AFG1L: variants seen among roughly 807,000 people sequenced by gnomAD.
AFG1L encodes the protein AFG1-like ATPase.
In AFG1L, 53 loss-of-function variants were observed where a neutral mutation model predicts 62.2. The ratio of observed to expected loss-of-function variants is 0.85; its 90% confidence interval spans 0.68 to 1.07. The LOEUF is 1.07. Ranked by LOEUF, AFG1L falls within the 50% of genes least tolerant of loss-of-function variation. The probability of loss-of-function intolerance (pLI) is 0.00; values close to 1 mark genes in which losing one functional copy is unlikely to be tolerated. For missense variants in AFG1L, 555 were observed against 590.5 expected (o/e 0.94, Z 0.62); for synonymous variants, 228 against 210.3 (o/e 1.08, Z -0.73).
At chr6:108,422,165 G>A (rs1197381527) in intron 7 of AFG1L, among the ~76,000 whole-genome samples, 2 of 151,890 alleles carry the variant, frequency 1.3e-5, no homozygotes, top group African/African-American at 4.8e-5. Context: ...AATATTAGTA[G>A]CTTTACTGCA....
intron 6 of AFG1L, among the ~76,000 whole-genome samples, chr6:108,389,012 A>G (rs1780915411): frequency 1.3e-5 from 2 of 151,490 alleles, no homozygotes; most frequent in South Asian, 2.1e-4. Context: ...GTGGGAGTCT[A>G]AGTCTCTTTG....
At chr6:108,490,664 A>C (rs1417029481) in intron 10 of AFG1L, among the ~76,000 whole-genome samples, 1 of 152,210 alleles carries the variant, frequency 6.6e-6, no homozygotes, top group Non-Finnish European at 1.5e-5. Flanking sequence ...TTACATAGTC[A>C]CATCATCCGA....
At chr6:108,344,198 C>A (rs1048675516) in intron 2 of AFG1L, among the ~76,000 whole-genome samples, 1 of 151,036 alleles carries the variant, frequency 6.6e-6, no homozygotes, top group South Asian at 2.1e-4. Flanking sequence ...CTGCAACCTC[C>A]GCCTCCTGGT....
At chr6:108,343,146 C>T (rs1056160753) in intron 2 of AFG1L, among the ~76,000 whole-genome samples, 2 of 151,506 alleles carry the variant, frequency 1.3e-5, no homozygotes, top group African/African-American at 4.9e-5. Context: ...CTTACTGCAA[C>T]CTCTGCCTCC....
intron 6 of AFG1L, among the ~76,000 whole-genome samples, chr6:108,399,989 G>A (rs1382520111): frequency 6.6e-6 from 1 of 151,732 alleles, no homozygotes; most frequent in Non-Finnish European, 1.5e-5. Context: ...ATGTTGCTCA[G>A]GCTGGTCCTG....
intron 11 of AFG1L, 143 bp downstream of exon 11, chr6:108,510,495 T>C: frequency 1.5e-6 from 1 of 648,286 alleles, no homozygotes; most frequent in Non-Finnish European, 2.6e-6. Context: ...GAATTGGGGA[T>C]GATAATATTA....
chr6:108,468,389 C>G (rs540343671), intron 8 of AFG1L, among the ~76,000 whole-genome samples: 3 of 152,204 alleles, frequency 2.0e-5, no homozygotes, highest in Non-Finnish European at 4.4e-5. Flanking sequence ...ATACCATTAT[C>G]TTCAAGCTTC....
intron 11 of AFG1L, among the ~76,000 whole-genome samples, chr6:108,513,986 G>C (rs1268120619): frequency 6.6e-6 from 1 of 152,218 alleles, no homozygotes; most frequent in African/African-American, 2.4e-5. Context: ...CTCCACTGCT[G>C]ATACCCAGGC....
intron 2 of AFG1L, among the ~76,000 whole-genome samples, chr6:108,343,070 CTT>C (rs1318016021): frequency 3.5e-5 from 5 of 143,824 alleles, no homozygotes; most frequent in Admixed American, 7.0e-5. Flanking sequence ...TTTTCTTTTT[CTT>C]TTTTTTTTTT....
intron 1 of AFG1L, among the ~76,000 whole-genome samples, chr6:108,302,113 A>G (rs1250489026): frequency 1.3e-5 from 2 of 151,980 alleles, no homozygotes; most frequent in African/African-American, 4.8e-5. Flanking sequence ...TGCCCTGCTA[A>G]TTTTTGTATT....
chr6:108,297,873 A>T (rs1249542516), intron 1 of AFG1L, among the ~76,000 whole-genome samples: 1 of 150,568 alleles, frequency 6.6e-6, no homozygotes, highest in Non-Finnish European at 1.5e-5. Context: ...AAAAAAAAAA[A>T]AAAAAAGGAA....
intron 2 of AFG1L, among the ~76,000 whole-genome samples, chr6:108,329,244 T>C (rs1293014283): frequency 6.6e-6 from 1 of 152,042 alleles, no homozygotes; most frequent in East Asian, 1.9e-4. Flanking sequence ...TTGGCCCTTA[T>C]AGTTTCCTAA....
chr6:108,497,385 C>A (rs1483651925), intron 10 of AFG1L, among the ~76,000 whole-genome samples: 2 of 152,052 alleles, frequency 1.3e-5, no homozygotes, highest in Non-Finnish European at 2.9e-5. Flanking sequence ...TTACTATATT[C>A]TTTGCTCCAT....
chr6:108,464,673 T>G (rs1171168287), intron 8 of AFG1L, among the ~76,000 whole-genome samples: 3 of 152,134 alleles, frequency 2.0e-5, no homozygotes, highest in Non-Finnish European at 4.4e-5. Context: ...AGCAATGAAA[T>G]GGATGGGTTT....
At position 108,447,198 on chromosome 6, in the gene AFG1L, T is replaced by A. The variant is rs987088076; in HGVS notation, c.808-16T>A. On this transcript the variant is annotated splice_polypyrimidine_tract_variant and intron_variant, in intron 7 of 12. Transcript: ENST00000368977. ...ACTACTTGTTTAAAAAGGCACTTCATTTGTTTGGATTGTAGGAATATTGTA... is the reference window on the plus strand; with the variant it reads ...ACTACTTGTTTAAAAAGGCACTTCAATTGTTTGGATTGTAGGAATATTGTA... 2 of 1,424,166 alleles carry A rather than the reference T, an allele frequency of 1.4e-6. No individual in the cohort carries two copies. The highest frequency in any genetic ancestry group is 2.8e-5 in the African/African-American group (2 of 70,986). The allele number at this position is 1,424,166 out of a possible 1,614,324, so 88.2% of individuals were successfully genotyped here.
chr6:108,356,889 C>A, intron 5 of AFG1L, 69 bp downstream of exon 5: 2 of 1,313,616 alleles, frequency 1.5e-6, no homozygotes, highest in South Asian at 2.9e-5. Flanking sequence ...AAATTTTGCT[C>A]CTGATTTTAT....
chr6:108,411,856 C>T (rs1308849823), intron 7 of AFG1L, among the ~76,000 whole-genome samples: 1 of 152,230 alleles, frequency 6.6e-6, no homozygotes, highest in East Asian at 1.9e-4. Flanking sequence ...GCCTCTTCTC[C>T]TCCAAAGGAA....
In AFG1L at chr6:108,453,560, C is replaced by T. The variant is rs1039190661; in HGVS notation, c.890+6264C>T. On this transcript the variant is annotated intron_variant, in intron 8 of 12. Transcript: ENST00000368977. ...AGGTCTGTGAAAACTAAGACTGAAGCTTCTATGTGTTAAAACATACTTCCC... is the reference window on the plus strand; with the variant it reads ...AGGTCTGTGAAAACTAAGACTGAAGTTTCTATGTGTTAAAACATACTTCCC... Among the ~76,000 whole-genome samples, 5 of 152,186 alleles carry T rather than the reference C, an allele frequency of 3.3e-5. No homozygotes were observed. The South Asian group carries it at 6.2e-4, about 19-fold the overall frequency.
chr6:108,426,752 G>A (rs879872593), intron 7 of AFG1L, among the ~76,000 whole-genome samples: 5 of 151,914 alleles, frequency 3.3e-5, no homozygotes, highest in Admixed American at 3.3e-4. Flanking sequence ...ATGCATGATA[G>A]GCTAACAAAT....
Sources: gnomAD v4.1 joint callset for allele counts (sites outside exome capture counted in the v4.1 genomes callset) on GRCh38, gnomAD v4.1.1 for gene constraint, MANE v1.5 for transcripts, NCBI Gene and HGNC (gene_info 2026-07-23, HGNC 2026-07-21) for gene names.